Variants in CDH4 observed in about 807,000 individuals in gnomAD.
CDH4 encodes the protein cadherin 4.
Under a neutral mutation model 86.0 loss-of-function variants are expected in CDH4, and 33 were observed. The observed-to-expected ratio is 0.38, with a 90% CI of 0.29 to 0.51. CDH4 has a LOEUF of 0.51. CDH4 is among the 20% of genes least tolerant of loss of function. CDH4 has a pLI of 0.86. For synonymous variants in CDH4, 555 were observed against 549.4 expected (o/e 1.01, Z -0.14); for missense variants, 1,114 against 1,307.4 (o/e 0.85, Z 2.28).
chr20:61,669,002 C>G (rs990073865), intron 2 of CDH4, among the ~76,000 whole-genome samples: 1 of 152,202 alleles, frequency 6.6e-6, no homozygotes, highest in African/African-American at 2.4e-5. Flanking sequence ...CAGGAGGACC[C>G]CTGTCCAGCG....
At chr20:61,619,561 A>G (rs762567070) in intron 2 of CDH4, among the ~76,000 whole-genome samples, 2 of 152,224 alleles carry the variant, frequency 1.3e-5, no homozygotes, top group African/African-American at 2.4e-5. Flanking sequence ...CTCACACCGA[A>G]GAAGAGTGAG....
intron 2 of CDH4, among the ~76,000 whole-genome samples, chr20:61,579,695 G>A (rs1304584859): frequency 6.6e-6 from 1 of 152,032 alleles, no homozygotes; most frequent in African/African-American, 2.4e-5. Context: ...ACTCTGCCCC[G>A]ATGCAGAGCA....
At chr20:61,687,050 G>A (rs912194346) in intron 2 of CDH4, among the ~76,000 whole-genome samples, 4 of 151,172 alleles carry the variant, frequency 2.6e-5, no homozygotes, top group East Asian at 3.9e-4. Context: ...TCTCTGCTCC[G>A]AAGATTTCCA....
At chr20:61,511,453 C>G (rs2085779208) in intron 2 of CDH4, among the ~76,000 whole-genome samples, 1 of 152,220 alleles carries the variant, frequency 6.6e-6, no homozygotes, top group African/African-American at 2.4e-5. Flanking sequence ...AGTCCTTCCC[C>G]TAAAGCAAAC....
chr20:61,914,589 G>C (rs2054885735), intron 9 of CDH4, among the ~76,000 whole-genome samples: 1 of 72,480 alleles, frequency 1.4e-5, no homozygotes, highest in Admixed American at 1.6e-4. Context: ...GATCTTGCAG[G>C]CCCCATCCCT....
intron 2 of CDH4, among the ~76,000 whole-genome samples, chr20:61,497,261 T>G (rs2085669663): frequency 6.6e-6 from 1 of 152,166 alleles, no homozygotes; most frequent in South Asian, 2.1e-4. Flanking sequence ...TGTATTTGTG[T>G]TTTTGTTTGC....
chr20:61,565,722 C>T (rs894403039), intron 2 of CDH4, among the ~76,000 whole-genome samples: 2 of 152,182 alleles, frequency 1.3e-5, no homozygotes, highest in African/African-American at 2.4e-5. Context: ...TGCCAAGATA[C>T]ACAATGCAGG....
rs55687726 is a variant in CDH4 at position 61,516,381 on chromosome 20, C to T, written c.170-227182C>T. Among the ~76,000 whole-genome samples, 5,143 of 152,236 alleles carry T rather than the reference C, an allele frequency of 0.034. 314 individuals are homozygous for T. The highest frequency in any genetic ancestry group is 0.12 in the African/African-American group (4,896 of 41,516). ...ATCTGTCACACACATACAGAGCCCC[C>T]GTCGGACGCTGCATGAGCTCATGTG... On this transcript the variant is annotated intron_variant, in intron 2 of 15. Coordinates refer to ENST00000614565, the MANE Select transcript of CDH4 (RefSeq NM_001794.5). This position sits in a 1 kb window ranked among gnomAD's most constrained non-coding sequence, Gnocchi z 4.0.
At chr20:61,632,036 C>T (rs192984695) in intron 2 of CDH4, among the ~76,000 whole-genome samples, 1 of 152,368 alleles carries the variant, frequency 6.6e-6, no homozygotes, top group East Asian at 1.9e-4. Flanking sequence ...GGGATGATGC[C>T]AGGCTCTGCT....
At chr20:61,500,135 G>T (rs2085690163) in intron 2 of CDH4, among the ~76,000 whole-genome samples, 1 of 152,232 alleles carries the variant, frequency 6.6e-6, no homozygotes, top group African/African-American at 2.4e-5. Context: ...ATGGAGCAGG[G>T]CGTCCCCTGG....
intron 4 of CDH4, among the ~76,000 whole-genome samples, chr20:61,838,240 A>G (rs1186459270): frequency 6.6e-6 from 1 of 151,946 alleles, no homozygotes; most frequent in Non-Finnish European, 1.5e-5. Flanking sequence ...CTACCTACCA[A>G]CAGGCCATCC....
chr20:61,627,776 TGTGGAGGAGG>T (rs1458860749), intron 2 of CDH4, among the ~76,000 whole-genome samples: 1 of 151,992 alleles, frequency 6.6e-6, no homozygotes, highest in African/African-American at 2.4e-5. Flanking sequence ...ATCCCTTTGA[TGTGGAGGAGG>T]GTGGGTCCCT....
At chr20:61,594,377 A>C (rs1009913327) in intron 2 of CDH4, among the ~76,000 whole-genome samples, 2 of 151,918 alleles carry the variant, frequency 1.3e-5, no homozygotes, top group Admixed American at 1.3e-4. Flanking sequence ...CGGAGGGAGG[A>C]CAGTGTGCCG....
rs549863424 is a variant in CDH4 at position 61,306,653 on chromosome 20, C to T, written c.169+51716C>T. ...CCAGCCGCCATTAAGTTTTTACAAACTTTTCATTGTCATATACACAAAAGC... is the reference window on the plus strand; with the variant it reads ...CCAGCCGCCATTAAGTTTTTACAAATTTTTCATTGTCATATACACAAAAGC... On this transcript the variant is annotated intron_variant, in intron 2 of 15. Coordinates refer to ENST00000614565, the MANE Select transcript of CDH4 (RefSeq NM_001794.5). Among the ~76,000 whole-genome samples the T allele has an allele frequency of 2.0e-3, 297 of 152,252 alleles. 2 individuals carry two copies. Among genetic ancestry groups the T allele is most frequent in the Middle Eastern group, 3.4e-3 (1 of 294 alleles).
At chr20:61,804,093 A>G (rs567797578) in intron 4 of CDH4, among the ~76,000 whole-genome samples, 1 of 152,364 alleles carries the variant, frequency 6.6e-6, no homozygotes, top group Admixed American at 6.5e-5. Context: ...AGGAGGCACG[A>G]CAGAAAACGT....
chr20:61,849,461 T>G (rs1982612588), intron 5 of CDH4, among the ~76,000 whole-genome samples: 1 of 152,154 alleles, frequency 6.6e-6, no homozygotes. Flanking sequence ...TTGGCTTGTG[T>G]TTCTGCTCCG....
intron 2 of CDH4, chr20:61,570,702 A>T: frequency 2.8e-6 from 2 of 702,400 alleles, no homozygotes; most frequent in Non-Finnish European, 5.2e-6. Context: ...GCGATGCCAA[A>T]GTCAACAGGG....
chr20:61,338,366 A>C (rs187458234), intron 2 of CDH4, among the ~76,000 whole-genome samples: 48 of 152,334 alleles, frequency 3.2e-4, no homozygotes, highest in African/African-American at 1.1e-3. Flanking sequence ...AAAAGGGAAC[A>C]TTCTTTCTTG....
At chr20:61,862,634 C>T (rs1057204979) in intron 6 of CDH4, among the ~76,000 whole-genome samples, 1 of 152,216 alleles carries the variant, frequency 6.6e-6, no homozygotes, top group Admixed American at 6.5e-5. Flanking sequence ...CGCTGTCCCC[C>T]GCAGCATCAG....
Sources: allele counts gnomAD v4.1 joint callset (sites outside exome capture counted in the v4.1 genomes callset), GRCh38; gene constraint gnomAD v4.1.1; non-coding constraint Gnocchi (gnomAD v3.1); transcripts MANE v1.5; gene names NCBI Gene and HGNC (gene_info 2026-07-23, HGNC 2026-07-21).